The following OLFM3 variants were observed in gnomAD, a reference collection of about 807,000 sequenced individuals.
OLFM3 encodes the protein noelin-3.
Under a neutral mutation model 48.6 loss-of-function variants are expected in OLFM3, and 20 were observed. That is an observed-to-expected ratio of 0.41 (90% CI 0.29 to 0.60). OLFM3 has a LOEUF of 0.60. Ranked by LOEUF, OLFM3 falls within the 20% of genes least tolerant of loss-of-function variation. The pLI, the probability that OLFM3 is intolerant of heterozygous loss-of-function variation, is 0.28. For synonymous variants in OLFM3, 222 were observed against 198.1 expected (o/e 1.12, Z -1.01); for missense variants, 437 against 544.3 (o/e 0.80, Z 1.96).
chr1:101,897,027 T>C (rs1242268732), intron 1 of OLFM3, among the ~76,000 whole-genome samples: 1 of 152,166 alleles, frequency 6.6e-6, no homozygotes, highest in Non-Finnish European at 1.5e-5. Flanking sequence ...TCATAGAACC[T>C]TCCAGAATGT....
intron 4 of OLFM3, among the ~76,000 whole-genome samples, chr1:101,808,613 G>A (rs1231162199): frequency 6.6e-6 from 1 of 151,858 alleles, no homozygotes; most frequent in African/African-American, 2.4e-5. Flanking sequence ...AACTGTGTTG[G>A]TGATCTGAGT....
rs6702741 is a variant in OLFM3 at position 101,826,884 on chromosome 1, T to C, written c.373-1639A>G. On this transcript the variant is annotated intron_variant, in intron 3 of 5. Coordinates refer to ENST00000370103, the MANE Select transcript of OLFM3 (RefSeq NM_058170.4). ...TACAATCAAAGGTTTTACATTCTACTATGGGCATATTTAAAAGAGAGCAAT... is the reference window on the plus strand; with the variant it reads ...TACAATCAAAGGTTTTACATTCTACCATGGGCATATTTAAAAGAGAGCAAT... Among the ~76,000 whole-genome samples the C allele has an allele frequency of 6.5e-3, 994 of 152,340 alleles. 9 individuals are homozygous for C. The highest frequency in any genetic ancestry group is 0.023 in the African/African-American group (942 of 41,574).
At chr1:101,946,089 T>C (rs1191370831) in intron 1 of OLFM3, among the ~76,000 whole-genome samples, 2 of 152,176 alleles carry the variant, frequency 1.3e-5, no homozygotes, top group Non-Finnish European at 2.9e-5. Flanking sequence ...GCATCAAACC[T>C]CCACTTGGGT....
intron 2 of OLFM3, among the ~76,000 whole-genome samples, chr1:101,835,465 C>T (rs1006629347): frequency 4.6e-5 from 7 of 152,150 alleles, no homozygotes; most frequent in Non-Finnish European, 1.0e-4. Flanking sequence ...CAGGTGCACA[C>T]CACAATGCCC....
intron 1 of OLFM3, among the ~76,000 whole-genome samples, chr1:101,837,304 T>G (rs1655475151): frequency 6.6e-6 from 1 of 152,174 alleles, no homozygotes; most frequent in African/African-American, 2.4e-5. Context: ...CTTTTTCTAT[T>G]TTGTGACATT....
At chr1:101,925,568 G>A (rs191994806) in intron 1 of OLFM3, among the ~76,000 whole-genome samples, 236 of 152,054 alleles carry the variant, frequency 1.6e-3, no homozygotes, top group Middle Eastern at 6.8e-3. Context: ...ACCCAGGCTG[G>A]AGGGCAGTGG....
intron 1 of OLFM3, among the ~76,000 whole-genome samples, chr1:101,868,549 C>T (rs1446375832): frequency 6.6e-6 from 1 of 152,090 alleles, no homozygotes; most frequent in Non-Finnish European, 1.5e-5. Flanking sequence ...GCAGAACATA[C>T]AAATTTGGAA....
intron 1 of OLFM3, among the ~76,000 whole-genome samples, chr1:101,922,438 G>C (rs1318086888): frequency 6.6e-6 from 1 of 152,070 alleles, no homozygotes; most frequent in African/African-American, 2.4e-5. Flanking sequence ...TATAAGGACT[G>C]GAGAGGAATG....
intron 1 of OLFM3, among the ~76,000 whole-genome samples, chr1:101,846,086 A>G (rs1655979911): frequency 6.6e-6 from 1 of 152,182 alleles, no homozygotes; most frequent in South Asian, 2.1e-4. Context: ...AATAGTTTTC[A>G]TTTTTCTTTG....
chr1:101,852,389 G>A (rs1656256659), intron 1 of OLFM3, among the ~76,000 whole-genome samples: 1 of 152,070 alleles, frequency 6.6e-6, no homozygotes, highest in Non-Finnish European at 1.5e-5. Context: ...CCTATGGGCA[G>A]CATTCATGTG....
chr1:101,856,280 A>G (rs1290074421), intron 1 of OLFM3, among the ~76,000 whole-genome samples: 1 of 152,000 alleles, frequency 6.6e-6, no homozygotes, highest in Non-Finnish European at 1.5e-5. Flanking sequence ...TAAGAGTTAT[A>G]CAGTTTTATG....
rs1657539965 is a variant in OLFM3 at position 101,881,857 on chromosome 1, CTTTA to C, written c.70-44836_70-44833del. ...TAATATGGATCATCTCTACTTCTTT[CTTTA>C]TTTATTTATTACTAGACCTCAACCA... is the stretch of plus-strand genomic sequence containing the variant. On this transcript the variant is annotated intron_variant, in intron 1 of 5. Coordinates refer to ENST00000370103, the MANE Select transcript of OLFM3 (RefSeq NM_058170.4). 2.6e-5 allele frequency among the ~76,000 whole-genome samples: 4 copies of C among 151,336 alleles called. No individual in the cohort carries two copies. In the Admixed American group the frequency reaches 2.6e-4, roughly 10 times the overall value.
chr1:101,905,138 T>C (rs530731580), intron 1 of OLFM3, among the ~76,000 whole-genome samples: 1 of 152,274 alleles, frequency 6.6e-6, no homozygotes, highest in South Asian at 2.1e-4. Context: ...TTTTCATTAG[T>C]AAGTCTTCAA....
intron 1 of OLFM3, among the ~76,000 whole-genome samples, chr1:101,894,661 T>G (rs1031520697): frequency 3.9e-5 from 6 of 152,158 alleles, no homozygotes; most frequent in African/African-American, 9.6e-5. Context: ...CCTATTTTAC[T>G]ATTTGTCTTT....
At chr1:101,966,457 G>C (rs1660612764) in intron 1 of OLFM3, among the ~76,000 whole-genome samples, 1 of 152,160 alleles carries the variant, frequency 6.6e-6, no homozygotes. Context: ...ACAGGCGTGA[G>C]CCACTGTGTC....
intron 4 of OLFM3, among the ~76,000 whole-genome samples, chr1:101,819,551 T>C (rs190295876): frequency 6.6e-6 from 1 of 152,084 alleles, no homozygotes; most frequent in Admixed American, 6.6e-5. Flanking sequence ...AGAGCTGGTT[T>C]TGAGAAATTG....
At chr1:101,922,006 C>T (rs1339459184) in intron 1 of OLFM3, among the ~76,000 whole-genome samples, 2 of 151,862 alleles carry the variant, frequency 1.3e-5, no homozygotes, top group Non-Finnish European at 2.9e-5. Flanking sequence ...TTGCAGTGAG[C>T]AGAGATAGTG....
intron 1 of OLFM3, among the ~76,000 whole-genome samples, chr1:101,911,041 G>C (rs1033508589): frequency 6.6e-6 from 1 of 152,092 alleles, no homozygotes; most frequent in Admixed American, 6.5e-5. Context: ...ATGGCATAGT[G>C]ACTCAATGGT....
At chr1:101,996,682 C>A in intron 1 of OLFM3, 66 bp downstream of exon 1, 2 of 1,526,204 alleles carry the variant, frequency 1.3e-6, no homozygotes, top group Non-Finnish European at 9.1e-7. Context: ...TATTTATTTG[C>A]ATTTCTGTTA....
Sources: gnomAD v4.1 joint callset for allele counts (sites outside exome capture counted in the v4.1 genomes callset) on GRCh38, gnomAD v4.1.1 for gene constraint, MANE v1.5 for transcripts, NCBI Gene and HGNC (gene_info 2026-07-23, HGNC 2026-07-21) for gene names.